ZNF280C: variants seen among roughly 807,000 people sequenced by gnomAD.
The protein encoded by ZNF280C is zinc finger protein 280C.
Under a neutral mutation model 53.6 loss-of-function variants are expected in ZNF280C, and 14 were observed. That is an observed-to-expected ratio of 0.26 (90% CI 0.17 to 0.41). The LOEUF is 0.41. Among genes scored for constraint, ZNF280C ranks in the 10% least tolerant of loss-of-function variants. The probability of loss-of-function intolerance (pLI) is 1.00; values close to 1 mark genes in which losing one functional copy is unlikely to be tolerated. For synonymous variants in ZNF280C, 203 were observed against 181.1 expected (o/e 1.12, Z -0.97); for missense variants, 416 against 547.1 (o/e 0.76, Z 2.39).
chrX:130,205,354 T>C lies in ZNF280C; in HGVS notation c.2104A>G (p.Met702Val). 8.3e-7 allele frequency: 1 copy of C among 1,209,929 alleles called. No individual in the cohort carries two copies. Among genetic ancestry groups the C allele is most frequent in the Non-Finnish European group, 1.1e-6 (1 of 894,593 alleles). Residue 702 changes from methionine (M) to valine (V), a missense_variant, in exon 17 of 19, where the codon ATG becomes GTG. Coordinates refer to ENST00000370978, the MANE Select transcript of ZNF280C (RefSeq NM_017666.5). ...TTACGTTGACTTAAGTGTTTAGCCA[T>C]ACGATCTAAGCCGGAAGAATCAGCT... ...FLADSSGLDR[M>V]AKHLSQRKTH... is the part of the protein sequence containing the mutation.
chrX:130,231,682 C>A (rs1004012845), intron 8 of ZNF280C, among the ~76,000 whole-genome samples: 1 of 110,062 alleles, frequency 9.1e-6, no homozygotes, highest in African/African-American at 3.3e-5. Flanking sequence ...ATGCAATATA[C>A]CCTTGTTAAC....
chrX:130,253,632 A>G (rs1311023106), intron 2 of ZNF280C, among the ~76,000 whole-genome samples: 2 of 112,070 alleles, frequency 1.8e-5, no homozygotes, highest in African/African-American at 6.5e-5. Context: ...CTGACGTTCG[A>G]CAAAGCTGAC....
intron 6 of ZNF280C, 32 bp downstream of exon 6, chrX:130,239,550 T>C (rs1284978530): frequency 6.7e-6 from 6 of 901,365 alleles, no homozygotes. Flanking sequence ...AGTCTCTTTT[T>C]ATAATTTTTA....
intron 1 of ZNF280C, among the ~76,000 whole-genome samples, chrX:130,264,458 T>C (rs1384169329): frequency 3.6e-5 from 4 of 111,230 alleles, no homozygotes; most frequent in Non-Finnish European, 5.7e-5. Flanking sequence ...TATAACAATA[T>C]AATTCTCTTT....
At chrX:130,232,504 C>T (rs1199088091) in intron 8 of ZNF280C, among the ~76,000 whole-genome samples, 2 of 110,042 alleles carry the variant, frequency 1.8e-5, no homozygotes. Flanking sequence ...TAGCAAAAAA[C>T]CAAATACACT....
At chrX:130,252,097 G>C (rs1484532071) in intron 2 of ZNF280C, among the ~76,000 whole-genome samples, 1 of 111,938 alleles carries the variant, frequency 8.9e-6, no homozygotes, top group African/African-American at 3.3e-5. Context: ...CTGGGTGGCA[G>C]AATGAGACGC....
intron 2 of ZNF280C, among the ~76,000 whole-genome samples, chrX:130,258,238 G>A (rs1199702146): frequency 1.8e-5 from 2 of 111,944 alleles, no homozygotes; most frequent in African/African-American, 6.5e-5. Context: ...ACTTCTTCAG[G>A]GTTCTGGCTT....
intron 1 of ZNF280C, among the ~76,000 whole-genome samples, chrX:130,265,079 T>C (rs1044485587): frequency 8.9e-6 from 1 of 111,954 alleles, no homozygotes; most frequent in African/African-American, 3.2e-5. Context: ...AAATTATCTT[T>C]TTTTCTGAAA....
chrX:130,260,364 G>C, intron 2 of ZNF280C, 55 bp downstream of exon 2: 2 of 1,005,255 alleles, frequency 2.0e-6, no homozygotes, highest in Non-Finnish European at 1.3e-6. Flanking sequence ...TCTTTTGAAA[G>C]GTTTACAGTA....
rs748846047 is a variant in ZNF280C at position 130,236,495 on chromosome X, G to A, written c.638C>T (p.Thr213Ile). Residue 213 changes from threonine to isoleucine, a missense_variant, in exon 7 of 19, where the codon ACA (threonine) becomes ATA (isoleucine). By Grantham distance (89) the Thr-to-Ile change is moderately conservative. Transcript: ENST00000370978. Reference protein sequence around the residue: ...SLPLIGSPPVTSSQVMLSKGT... With the variant: ...SLPLIGSPPVISSQVMLSKGT... ...TTTTGACAGCATAACTTGGGAGGAT[G>A]TCACTGGAGGAGAGCCAATTAAAGG... is the stretch of plus-strand genomic sequence containing the variant. 5 of 1,200,083 alleles carry A rather than the reference G, an allele frequency of 4.2e-6. No individual in the cohort carries two copies. In the African/African-American group the frequency reaches 5.3e-5, roughly 13 times the overall value.
Position 130,243,665 on chromosome X carries a change from G to A in ZNF280C, c.279C>T (p.Arg93=), listed in dbSNP as rs746902223. ...CTGGATTTGATGGTGGGTCTCTGCA[G>A]CGTTGACTTGCAGTCCTGAATATTT... ...IPEIFRTASQ[R]CRDPPSNPVA... Residue 93 remains arginine (R), a synonymous_variant, in exon 5 of 19, where the codon CGC becomes CGT. Coordinates refer to ENST00000370978, the MANE Select transcript of ZNF280C (RefSeq NM_017666.5). 5.0e-6 allele frequency: 6 copies of A among 1,210,350 alleles called. No individual in the cohort carries two copies. Among genetic ancestry groups the A allele is most frequent in the East Asian group, 5.9e-5 (2 of 33,839 alleles).
At chrX:130,238,905 T>C (rs893203897) in intron 6 of ZNF280C, among the ~76,000 whole-genome samples, 2 of 111,341 alleles carry the variant, frequency 1.8e-5, no homozygotes, top group African/African-American at 6.5e-5. Flanking sequence ...CTAGGTAATA[T>C]AGAGAATAGT....
At chrX:130,227,554 AG>A in intron 11 of ZNF280C, 127 bp downstream of exon 11, 1 of 521,515 alleles carries the variant, frequency 1.9e-6, no homozygotes, top group East Asian at 3.5e-5. Context: ...ACTAATGAAG[AG>A]GGTCTTCAAT....
chrX:130,204,874 G>T lies in ZNF280C; in HGVS notation c.*103C>A. ...AATGAGAGCTAGTGTCATAAACTTG[G>T]CTGTTTAACTGCCCTTTGTGTGAGA... On this transcript the variant is annotated 3_prime_UTR_variant, in exon 19 of 19. Transcript: ENST00000370978. The T allele has an allele frequency of 1.4e-6, 1 of 723,034 alleles. No homozygotes were observed. The highest frequency in any genetic ancestry group is 1.9e-6 in the Non-Finnish European group (1 of 519,171). The allele number at this position is 723,034 out of a possible 1,213,427, so 59.6% of individuals were successfully genotyped here. A position where few individuals can be genotyped will look rare whatever the true frequency, so the allele number is the denominator to read the frequency against.
chrX:130,253,101 G>A (rs1025172093), intron 2 of ZNF280C, among the ~76,000 whole-genome samples: 3 of 111,566 alleles, frequency 2.7e-5, no homozygotes, highest in African/African-American at 9.8e-5. Context: ...AAAAATCACC[G>A]GCATTCCTAT....
chrX:130,262,102 C>T (rs1424440886), intron 1 of ZNF280C, among the ~76,000 whole-genome samples: 2 of 111,906 alleles, frequency 1.8e-5, no homozygotes, highest in Non-Finnish European at 1.9e-5. Context: ...ATAGAGATAG[C>T]TTTTGAGGCC....
At chrX:130,209,839 T>A (rs2032022113) in intron 15 of ZNF280C, 124 bp from the exon 16 acceptor site, 1 of 574,800 alleles carries the variant, frequency 1.7e-6, no homozygotes, top group Admixed American at 3.4e-5. Context: ...ATGATCTAAA[T>A]AATAAAATTC....
chrX:130,210,428 G>C (rs887707512), intron 15 of ZNF280C, among the ~76,000 whole-genome samples: 3 of 112,166 alleles, frequency 2.7e-5, no homozygotes, highest in African/African-American at 9.7e-5. Context: ...TGCTATGATA[G>C]AAATTGTTAT....
At chrX:130,208,798 C>T (rs1204830465) in intron 16 of ZNF280C, among the ~76,000 whole-genome samples, 1 of 108,844 alleles carries the variant, frequency 9.2e-6, no homozygotes, top group Non-Finnish European at 1.9e-5. Context: ...CGGGTTCAAG[C>T]GATTCTCCTG....
Sources: gnomAD v4.1 joint callset for allele counts (sites outside exome capture counted in the v4.1 genomes callset) on GRCh38, gnomAD v4.1.1 for gene constraint, MANE v1.5 for transcripts, NCBI Gene and HGNC (gene_info 2026-07-23, HGNC 2026-07-21) for gene names.